SCFD2: variants seen among roughly 807,000 people sequenced by gnomAD.
SCFD2 encodes the protein sec1 family domain-containing protein 2.
SCFD2 carries 54 observed loss-of-function variants against 58.9 expected under a neutral mutation model. That is an observed-to-expected ratio of 0.92 (90% CI 0.74 to 1.15). SCFD2 has a LOEUF of 1.15. Ranked by LOEUF, SCFD2 falls within the 50% of genes most tolerant of loss-of-function variation. SCFD2 has a pLI of 0.00. For synonymous variants in SCFD2, 321 were observed against 335.9 expected (o/e 0.96, Z 0.49); for missense variants, 805 against 836.6 (o/e 0.96, Z 0.47).
chr4:53,324,262 T>C (rs2149122696), intron 2 of SCFD2, among the ~76,000 whole-genome samples: 1 of 151,176 alleles, frequency 6.6e-6, no homozygotes, highest in East Asian at 2.0e-4. Flanking sequence ...ACAAAAAAAT[T>C]TAAAAATTAG....
At chr4:53,037,603 T>C (rs1470938646) in intron 5 of SCFD2, among the ~76,000 whole-genome samples, 1 of 152,132 alleles carries the variant, frequency 6.6e-6, no homozygotes, top group African/African-American at 2.4e-5. Context: ...GAAGCATTTG[T>C]GTTGCCAATC....
rs144788166 is a variant in SCFD2 at position 53,228,514 on chromosome 4, A to G, written c.1311+45312T>C. Reference sequence around the variant, plus strand: ...GAAGATAAAATAGATACAAACGTTAAGATATTTTCTATATCTCAGATATTG... The same window carrying G: ...GAAGATAAAATAGATACAAACGTTAGGATATTTTCTATATCTCAGATATTG... On this transcript the variant is annotated intron_variant, in intron 4 of 8. Transcript: ENST00000401642. Among the ~76,000 whole-genome samples, 206 of 152,296 alleles carry G rather than the reference A, an allele frequency of 1.4e-3. 2 individuals are homozygous for G. Among genetic ancestry groups the G allele is most frequent in the Admixed American group, 0.012 (186 of 15,280 alleles).
rs115069439 is a variant in SCFD2 at position 53,147,522 on chromosome 4, A to T, written c.1312-1940T>A. ...AAATGTTCAGTCCTTGGAATGGACG[A>T]GGTAAAAATGGAAAAGAACGCAACA... On this transcript the variant is annotated intron_variant, in intron 4 of 8. Transcript: ENST00000401642. 3.0e-3 allele frequency among the ~76,000 whole-genome samples: 460 copies of T among 152,364 alleles called. 2 individuals carry two copies. Among genetic ancestry groups the T allele is most frequent in the Non-Finnish European group, 5.2e-3 (356 of 68,036 alleles).
intron 4 of SCFD2, among the ~76,000 whole-genome samples, chr4:53,258,341 C>T (rs1202251362): frequency 6.6e-6 from 1 of 151,832 alleles, no homozygotes; most frequent in Non-Finnish European, 1.5e-5. Flanking sequence ...CCCCAAGTCC[C>T]CAAAGTCCAC....
At chr4:53,179,643 C>T (rs538105311) in intron 4 of SCFD2, among the ~76,000 whole-genome samples, 2 of 152,256 alleles carry the variant, frequency 1.3e-5, no homozygotes, top group South Asian at 4.2e-4. Flanking sequence ...CAAATTCACA[C>T]ATAACAATAT....
Position 53,365,932 on chromosome 4 carries a change from A to T in SCFD2, c.10T>A (p.Ser4Thr), listed in dbSNP as rs1333193175. ...TGCTGGGTAAAGGACAGTACGCCCG[A>T]GGCGCTCATGGTTGGGGATTCGCAG... MSA[S>T]GVLSFTQQGW... The change falls in exon 1 of 9, where the codon TCG becomes ACG. Residue 4 changes from serine to threonine, a missense_variant. Ser to Thr is a moderately conservative substitution (Grantham distance 58). This residue lies in a region of SCFD2 where 155 missense variants were observed against 149.7 expected (regional missense o/e 1.04). Transcript: ENST00000401642. The surrounding 1 kb of genome is among the most constrained non-coding windows in gnomAD (Gnocchi z 4.3). 6.5e-7 allele frequency: 1 copy of T among 1,535,424 alleles called. No individual in the cohort carries two copies. The highest frequency in any genetic ancestry group is 2.3e-5 in the East Asian group (1 of 44,096).
chr4:53,187,508 TAAA>T (rs1243399117), intron 4 of SCFD2, among the ~76,000 whole-genome samples: 5 of 152,152 alleles, frequency 3.3e-5, no homozygotes, highest in African/African-American at 1.2e-4. Flanking sequence ...CACAAAGATG[TAAA>T]CTGCAGCCTT....
At chr4:53,348,423 A>G (rs1327574133) in intron 2 of SCFD2, among the ~76,000 whole-genome samples, 1 of 152,120 alleles carries the variant, frequency 6.6e-6, no homozygotes, top group East Asian at 1.9e-4. Context: ...AGTAGTTATT[A>G]TTGTTTTGAT....
At chr4:53,259,699 G>A (rs1457821473) in intron 4 of SCFD2, among the ~76,000 whole-genome samples, 1 of 151,962 alleles carries the variant, frequency 6.6e-6, no homozygotes, top group African/African-American at 2.4e-5. Context: ...TTGGCTATGC[G>A]GGCTCTTTTT....
chr4:52,946,216 G>A (rs1001007138), intron 5 of SCFD2, among the ~76,000 whole-genome samples: 5 of 151,862 alleles, frequency 3.3e-5, no homozygotes, highest in Admixed American at 6.6e-5. Context: ...TGCCAGCTAT[G>A]TTTTCCTTCT....
intron 7 of SCFD2, among the ~76,000 whole-genome samples, chr4:52,896,113 G>C (rs1719003993): frequency 6.6e-6 from 1 of 152,062 alleles, no homozygotes; most frequent in African/African-American, 2.4e-5. Context: ...TCTGTAGGTT[G>C]CCTGTTCACT....
intron 5 of SCFD2, among the ~76,000 whole-genome samples, chr4:52,970,009 A>G (rs1330900727): frequency 6.6e-6 from 1 of 152,208 alleles, no homozygotes; most frequent in Non-Finnish European, 1.5e-5. Context: ...AAAAATCTCA[A>G]GGAGTATAAA....
rs1345546774 is a variant in SCFD2 at position 53,237,524 on chromosome 4, C to CCT, written c.1311+36301_1311+36302insAG. 3.1e-5 allele frequency among the ~76,000 whole-genome samples: 2 copies of CCT among 65,296 alleles called. 1 individual carries two copies. The highest frequency in any genetic ancestry group is 5.9e-5 in the Non-Finnish European group (2 of 33,944). 42.8% of individuals were successfully genotyped at this position (65,296 alleles called of 152,430 possible). A position where few individuals can be genotyped will look rare whatever the true frequency, so the allele number is the denominator to read the frequency against. On this transcript the variant is annotated intron_variant, in intron 4 of 8. Transcript: ENST00000401642. ...GCGGCTGGCCGGGCGGGGGGCTGAC[C>CCT]CCCACCTCTCTCCCAGATGGGGCGG...
chr4:52,948,877 T>A lies in SCFD2; in HGVS notation c.1562-28007A>T, dbSNP rs1007689597. 9.3e-5 allele frequency: 17 copies of A among 183,098 alleles called. No homozygotes were observed. In the East Asian group the frequency reaches 2.6e-3, roughly 28 times the overall value. The allele number at this position is 183,098 out of a possible 1,614,324, so 11.3% of individuals were successfully genotyped here. The stretch of plus-strand genomic sequence containing the variant: ...CCACATCCCGCCTTCTATTTTCTTC[T>A]CCCTACACAGGCTCTTTTAATACAA... On this transcript the variant is annotated intron_variant, in intron 5 of 8. Coordinates refer to ENST00000401642, the MANE Select transcript of SCFD2 (RefSeq NM_152540.4).
chr4:52,951,639 G>A (rs571639186), intron 5 of SCFD2, among the ~76,000 whole-genome samples: 13 of 152,198 alleles, frequency 8.5e-5, no homozygotes, highest in Non-Finnish European at 1.3e-4. Context: ...CATGTGATTA[G>A]TTCTTGTCAA....
intron 6 of SCFD2, among the ~76,000 whole-genome samples, chr4:52,920,516 C>T (rs1719708632): frequency 6.6e-6 from 1 of 152,172 alleles, no homozygotes; most frequent in Non-Finnish European, 1.5e-5. Flanking sequence ...ACTCAGTGCT[C>T]ATCCCACCAT....
intron 5 of SCFD2, among the ~76,000 whole-genome samples, chr4:53,075,361 A>G (rs1723942360): frequency 6.6e-6 from 1 of 152,212 alleles, no homozygotes; most frequent in Non-Finnish European, 1.5e-5. Context: ...CATATTAGCA[A>G]TATGGCTGTT....
chr4:53,203,077 G>A (rs1321594381), intron 4 of SCFD2, among the ~76,000 whole-genome samples: 1 of 152,168 alleles, frequency 6.6e-6, no homozygotes, highest in Non-Finnish European at 1.5e-5. Flanking sequence ...AATAGGAGTG[G>A]TGAGGGAGGG....
At chr4:52,908,743 T>A (rs992479123) in intron 6 of SCFD2, among the ~76,000 whole-genome samples, 1 of 152,200 alleles carries the variant, frequency 6.6e-6, no homozygotes, top group Non-Finnish European at 1.5e-5. Flanking sequence ...GTATAAACCA[T>A]TAAAATCATA....
Sources: allele counts gnomAD v4.1 joint callset (sites outside exome capture counted in the v4.1 genomes callset), GRCh38; gene constraint gnomAD v4.1.1; regional missense constraint gnomAD v4.1.1; non-coding constraint Gnocchi (gnomAD v3.1); transcripts MANE v1.5; gene names NCBI Gene and HGNC (gene_info 2026-07-23, HGNC 2026-07-21).